AFF3: variants seen among roughly 807,000 people sequenced by gnomAD.
AFF3 encodes the protein ALF transcription elongation factor 3, also known as AF4/FMR2 family member 3.
A neutral mutation model predicts 129.7 loss-of-function variants in AFF3; 32 were observed. That is an observed-to-expected ratio of 0.25 (90% CI 0.19 to 0.33). The LOEUF is 0.33. Among genes scored for constraint, AFF3 ranks in the 10% least tolerant of loss-of-function variants. The pLI is 1.00. For synonymous variants in AFF3, 644 were observed against 635.4 expected, an observed-to-expected ratio of 1.01 and a Z score of -0.20; for missense variants, 1,373 against 1,592.0, an observed-to-expected ratio of 0.86 and a Z score of 2.34.
At chr2:99,686,230 C>T (rs1675047763) in intron 11 of AFF3, among the ~76,000 whole-genome samples, 2 of 152,076 alleles carry the variant, frequency 1.3e-5, no homozygotes, top group African/African-American at 4.8e-5. Flanking sequence ...TGCAGACTTT[C>T]TGACTTTCCT....
intron 4 of AFF3, among the ~76,000 whole-genome samples, chr2:100,037,506 ATT>A (rs1273235501): frequency 2.2e-5 from 1 of 45,456 alleles, no homozygotes; most frequent in Non-Finnish European, 4.0e-5. Context: ...ATAAATATAT[ATT>A]TATATTTTAT....
intron 7 of AFF3, among the ~76,000 whole-genome samples, chr2:99,964,278 AACTCT>A (rs1319699305): frequency 6.6e-6 from 1 of 152,158 alleles, no homozygotes; most frequent in African/African-American, 2.4e-5. Flanking sequence ...TATATTTTAA[AACTCT>A]ACTCAACAGC....
chr2:99,559,079 C>G, intron 21 of AFF3, 111 bp from the exon 22 acceptor site: 1 of 885,170 alleles, frequency 1.1e-6, no homozygotes, highest in Non-Finnish European at 1.8e-6. Flanking sequence ...TACCTTGTTT[C>G]TACATAGGAA....
At chr2:99,925,042 AT>A (rs1186856303) in intron 7 of AFF3, among the ~76,000 whole-genome samples, 1 of 151,542 alleles carries the variant, frequency 6.6e-6, no homozygotes, top group African/African-American at 2.4e-5. Context: ...TGTTCAGCTA[AT>A]TTTTTACATT....
rs751636620 is a variant in AFF3 at position 99,593,616 on chromosome 2, T to A, written c.2045A>T (p.Glu682Val). 8 of 1,611,166 alleles carry A rather than the reference T, an allele frequency of 5.0e-6. No individual in the cohort carries two copies. The South Asian group carries it at 8.8e-5, about 18-fold the overall frequency. ...CAGAGGGTACTCCTCCTGCTCGGAC[T>A]CCAGGTCGGAGTCCGAGGAGGAGGA... ...SSSSSSDSDL[E>V]SEQEEYPLSK... Residue 682 changes from glutamate to valine, a missense_variant, in exon 15 of 25, where the codon GAG becomes GTG. Glu to Val is a moderately radical substitution (Grantham distance 121). This residue lies in a region of AFF3 where 466 missense variants were observed against 505.0 expected (regional missense o/e 0.92). Transcript: ENST00000672756.
chr2:100,000,693 G>A (rs1474997789), intron 7 of AFF3, among the ~76,000 whole-genome samples: 1 of 152,064 alleles, frequency 6.6e-6, no homozygotes, highest in African/African-American at 2.4e-5. Context: ...TTCACTCCCC[G>A]CTGCTGCAAT....
intron 7 of AFF3, among the ~76,000 whole-genome samples, chr2:99,967,376 C>A (rs753174391): frequency 6.6e-6 from 1 of 152,078 alleles, no homozygotes; most frequent in Non-Finnish European, 1.5e-5. Context: ...TCTAGGCTTC[C>A]AATGCCTGCC....
In AFF3 at chr2:99,928,162, CT is replaced by C. The variant is rs573555349; in HGVS notation, c.873+78469del. ...GTAAACTGCCCGGTCTCAGGTATGT[CT>C]TTTATCAGCAGCGTGAAAACAGACT... is the stretch of plus-strand genomic sequence containing the variant. On this transcript the variant is annotated intron_variant, in intron 7 of 24. Coordinates refer to ENST00000672756, the MANE Select transcript of AFF3 (RefSeq NM_001386135.1). Among the ~76,000 whole-genome samples the C allele has an allele frequency of 3.1e-3, 470 of 152,266 alleles. 4 individuals carry two copies. The highest frequency in any genetic ancestry group is 5.5e-3 in the African/African-American group (227 of 41,532).
chr2:99,707,015 C>A, intron 11 of AFF3: 3 of 809,398 alleles, frequency 3.7e-6, no homozygotes, highest in Non-Finnish European at 4.5e-6. Context: ...CAGCAGACAG[C>A]ACAAGCCTCA....
intron 11 of AFF3, among the ~76,000 whole-genome samples, chr2:99,708,100 C>A (rs1677569958): frequency 6.6e-6 from 1 of 152,128 alleles, no homozygotes; most frequent in Non-Finnish European, 1.5e-5. Flanking sequence ...GCATGAGACA[C>A]ATTTACACTA....
At position 99,594,146 on chromosome 2, in the gene AFF3, C is replaced by T; in HGVS notation, c.1515G>A (p.Gln505=). The part of the protein sequence containing the change: ...QYYNPVKEDV[Q]DCGKVPDVCQ... ...AAACGTCGGGGACTTTCCCACAGTC[C>T]TGGACGTCCTCTTTCACCGGGTTGT... is the stretch of plus-strand genomic sequence containing the variant. The change falls in exon 15 of 25, where the codon CAG becomes CAA. Residue 505 remains glutamine (Q), a synonymous_variant. Transcript: ENST00000672756. 6.2e-7 allele frequency: 1 copy of T among 1,614,154 alleles called. No homozygotes were observed. Among genetic ancestry groups the T allele is most frequent in the Non-Finnish European group, 8.5e-7 (1 of 1,180,026 alleles).
intron 22 of AFF3, among the ~76,000 whole-genome samples, chr2:99,557,706 A>G (rs982261572): frequency 2.0e-5 from 3 of 152,140 alleles, no homozygotes; most frequent in Non-Finnish European, 1.5e-5. Context: ...AGGACGGTCA[A>G]TGGGCTGAGA....
intron 7 of AFF3, among the ~76,000 whole-genome samples, chr2:99,901,426 T>C (rs576578189): frequency 6.6e-6 from 1 of 152,320 alleles, no homozygotes; most frequent in South Asian, 2.1e-4. Context: ...CTGCTGGCAC[T>C]ACTAAACCAT....
chr2:99,691,582 G>A (rs1376374212), intron 11 of AFF3, among the ~76,000 whole-genome samples: 1 of 152,192 alleles, frequency 6.6e-6, no homozygotes, highest in Admixed American at 6.5e-5. Context: ...AGGTGAAGAG[G>A]CTTTAGTGAT....
intron 3 of AFF3, chr2:100,104,789 CGCTGCTGCA>C (rs1559127978): frequency 2.3e-5 from 19 of 843,738 alleles, no homozygotes; most frequent in Non-Finnish European, 2.6e-5. Flanking sequence ...CGGCCCGGCC[CGCTGCTGCA>C]GCCGCCGCCG....
At chr2:99,681,491 T>C (rs915775132) in intron 11 of AFF3, among the ~76,000 whole-genome samples, 1 of 152,200 alleles carries the variant, frequency 6.6e-6, no homozygotes, top group Non-Finnish European at 1.5e-5. Flanking sequence ...TCCCTCAAAA[T>C]TCACATATTG....
At chr2:99,796,156 G>A (rs1456700589) in intron 8 of AFF3, among the ~76,000 whole-genome samples, 1 of 152,092 alleles carries the variant, frequency 6.6e-6, no homozygotes, top group African/African-American at 2.4e-5. Flanking sequence ...AAAGATCTCA[G>A]TATGAAGGTT....
intron 4 of AFF3, among the ~76,000 whole-genome samples, chr2:100,057,180 G>C (rs1461495127): frequency 4.6e-5 from 7 of 151,966 alleles, no homozygotes; most frequent in Admixed American, 2.6e-4. Context: ...AATTAGCCAG[G>C]CATGGTGGCG....
chr2:100,115,228 T>C (rs1377333713), intron 2 of AFF3, among the ~76,000 whole-genome samples: 1 of 152,216 alleles, frequency 6.6e-6, no homozygotes, highest in Admixed American at 6.5e-5. Flanking sequence ...TAGCTAATTT[T>C]GTAAGTTTCC....
Sources: allele counts gnomAD v4.1 joint callset (sites outside exome capture counted in the v4.1 genomes callset), GRCh38; gene constraint gnomAD v4.1.1; regional missense constraint gnomAD v4.1.1; transcripts MANE v1.5; gene names NCBI Gene and HGNC (gene_info 2026-07-23, HGNC 2026-07-21).